HSPA1L: variants seen among roughly 807,000 people sequenced by gnomAD.
The protein encoded by HSPA1L is heat shock protein family A (Hsp70) member 1 like, also known as heat shock 70 kDa protein 1-like.
HSPA1L carries 21 observed loss-of-function variants against 31.5 expected under a neutral mutation model. The ratio of observed to expected loss-of-function variants is 0.67; its 90% confidence interval spans 0.47 to 0.96. The LOEUF (loss-of-function observed/expected upper bound fraction) is 0.96, where lower values mean the gene tolerates loss of function less well. Among genes scored for constraint, HSPA1L ranks in the 40% least tolerant of loss-of-function variants. The pLI is 0.00. For synonymous variants in HSPA1L, 293 were observed against 323.1 expected, an observed-to-expected ratio of 0.91 and a Z score of 1.00; for missense variants, 709 against 813.4, an observed-to-expected ratio of 0.87 and a Z score of 1.56.
Position 31,811,903 on chromosome 6 carries a change from G to A in HSPA1L, c.70C>T (p.Gln24Ter), listed in dbSNP as rs373638266. Residue 24 changes from glutamine (Q) to a stop codon, truncating the protein, a stop_gained, in exon 2 of 2, where the codon CAG (glutamine) becomes TAG (stop). Coordinates refer to ENST00000375654, the MANE Select transcript of HSPA1L (RefSeq NM_005527.4). LOFTEE classifies it high-confidence loss of function. ...GCGATGATCTCCACCTTGCCGTGCTGGAACACCCCCACACAGGAGTAGGTG... is the reference window on the plus strand; with the variant it reads ...GCGATGATCTCCACCTTGCCGTGCTAGAACACCCCCACACAGGAGTAGGTG... The part of the protein sequence containing the change: ...GTTYSCVGVF[Q>*]HGKVEIIAND... 6.2e-7 allele frequency: 1 copy of A among 1,614,080 alleles called. No individual in the cohort carries two copies. The highest frequency in any genetic ancestry group is 8.5e-7 in the Non-Finnish European group (1 of 1,180,046).
chr6:31,814,159 A>G (rs1047323772), intron 1 of HSPA1L, among the ~76,000 whole-genome samples: 2 of 152,210 alleles, frequency 1.3e-5, no homozygotes, highest in African/African-American at 4.8e-5. Context: ...CTGTAATCCC[A>G]GCACTTTGAG....
At chr6:31,812,589 C>T (rs1348052641) in intron 1 of HSPA1L, among the ~76,000 whole-genome samples, 2 of 152,164 alleles carry the variant, frequency 1.3e-5, no homozygotes, top group Admixed American at 1.3e-4. Flanking sequence ...TCCCCAAGTA[C>T]TGGGATTACA....
Sources: gnomAD v4.1 joint callset for allele counts (sites outside exome capture counted in the v4.1 genomes callset) on GRCh38, gnomAD v4.1.1 for gene constraint, MANE v1.5 for transcripts, NCBI Gene and HGNC (gene_info 2026-07-23, HGNC 2026-07-21) for gene names.